Variants in MDGA2 observed in about 807,000 individuals in gnomAD.
MDGA2 encodes MAM domain-containing glycosylphosphatidylinositol anchor protein 2.
MDGA2 carries 40 observed loss-of-function variants against 117.8 expected under a neutral mutation model. That is an observed-to-expected ratio of 0.34 (90% CI 0.26 to 0.44). MDGA2 has a LOEUF of 0.44. MDGA2 is among the 20% of genes least tolerant of loss of function. MDGA2 has a pLI of 1.00. For synonymous variants in MDGA2, 452 were observed against 439.0 expected, an observed-to-expected ratio of 1.03 and a Z score of -0.37; for missense variants, 1,123 against 1,250.6, an observed-to-expected ratio of 0.90 and a Z score of 1.54.
chr14:46,926,625 C>T (rs1177049173), intron 9 of MDGA2, among the ~76,000 whole-genome samples: 3 of 151,942 alleles, frequency 2.0e-5, no homozygotes, highest in Non-Finnish European at 4.4e-5. Context: ...CAAAACAGAA[C>T]ATGCAATTAT....
chr14:47,336,375 G>A (rs1594803626), intron 1 of MDGA2, among the ~76,000 whole-genome samples: 2 of 151,842 alleles, frequency 1.3e-5, no homozygotes, highest in East Asian at 3.9e-4. Context: ...GAATTTAGCT[G>A]AGAAAGAAAG....
At chr14:47,006,986 C>T (rs1015449326) in intron 8 of MDGA2, among the ~76,000 whole-genome samples, 10 of 151,762 alleles carry the variant, frequency 6.6e-5, no homozygotes, top group African/African-American at 2.2e-4. Flanking sequence ...CTCATTGCAA[C>T]TCATTACCTC....
chr14:46,887,596 G>A (rs1165590195), intron 10 of MDGA2, among the ~76,000 whole-genome samples: 2 of 151,952 alleles, frequency 1.3e-5, no homozygotes, highest in East Asian at 1.9e-4. Flanking sequence ...TACAGTCACT[G>A]AATTTACATA....
At chr14:47,304,693 T>A (rs778453844) in intron 1 of MDGA2, among the ~76,000 whole-genome samples, 1 of 152,156 alleles carries the variant, frequency 6.6e-6, no homozygotes, top group Non-Finnish European at 1.5e-5. Flanking sequence ...AATATCTCCC[T>A]ATGACATTTC....
At chr14:47,540,431 A>C (rs2138753273) in intron 1 of MDGA2, among the ~76,000 whole-genome samples, 1 of 151,116 alleles carries the variant, frequency 6.6e-6, no homozygotes, top group Admixed American at 6.6e-5. Flanking sequence ...TTTTCTCTTA[A>C]GCATTTATCA....
rs55827732 is a variant in MDGA2 at position 47,155,888 on chromosome 14, C to CTTTTTTTTTTTTTTTTTT, written c.596-11632_596-11615dup. Among the ~76,000 whole-genome samples the CTTTTTTTTTTTTTTTTTT allele has an allele frequency of 8.7e-4, 35 of 40,168 alleles. 5 individuals are homozygous for CTTTTTTTTTTTTTTTTTT. The highest frequency in any genetic ancestry group is 1.2e-3 in the Non-Finnish European group (27 of 23,056). 26.4% of individuals were successfully genotyped at this position (40,168 alleles called of 152,430 possible). ...ATTCTTTTCTTTTCTTCTTCTTCTTCTTTTTTTTTTTTTTTTTTTTTTTTT... is the reference window on the plus strand; with the variant it reads ...ATTCTTTTCTTTTCTTCTTCTTCTTCTTTTTTTTTTTTTTTTTTTTTTTTTTTTTTTTTTTTTTTTTTT... On this transcript the variant is annotated intron_variant, in intron 3 of 16. Coordinates refer to ENST00000399232, the MANE Select transcript of MDGA2 (RefSeq NM_001113498.3).
chr14:47,088,263 T>TGAAA (rs2138931498), intron 6 of MDGA2, among the ~76,000 whole-genome samples: 1 of 132,018 alleles, frequency 7.6e-6, no homozygotes, highest in South Asian at 2.2e-4. Flanking sequence ...AAGATAATAA[T>TGAAA]GCATTTTTGA....
At chr14:47,091,803 C>A (rs1283064659) in intron 6 of MDGA2, among the ~76,000 whole-genome samples, 1 of 152,038 alleles carries the variant, frequency 6.6e-6, no homozygotes, top group Non-Finnish European at 1.5e-5. Context: ...ATTCAAGCTC[C>A]GTCCCATTTC....
intron 5 of MDGA2, among the ~76,000 whole-genome samples, chr14:47,104,877 T>A (rs1880558296): frequency 6.6e-6 from 1 of 151,914 alleles, no homozygotes; most frequent in Non-Finnish European, 1.5e-5. Flanking sequence ...TCACTATCCC[T>A]CAACCTCTTT....
intron 7 of MDGA2, among the ~76,000 whole-genome samples, chr14:47,057,118 A>C (rs1392349422): frequency 6.6e-6 from 1 of 152,080 alleles, no homozygotes; most frequent in Non-Finnish European, 1.5e-5. Context: ...AATAATTATC[A>C]CTTTAATATT....
chr14:47,434,679 T>C (rs999934330), intron 1 of MDGA2, among the ~76,000 whole-genome samples: 9 of 152,224 alleles, frequency 5.9e-5, no homozygotes, highest in Admixed American at 4.6e-4. Flanking sequence ...GTGGTAAATA[T>C]AGCTTGTGTT....
At chr14:47,418,701 A>G (rs747825463) in intron 1 of MDGA2, among the ~76,000 whole-genome samples, 4 of 152,168 alleles carry the variant, frequency 2.6e-5, no homozygotes, top group Admixed American at 6.6e-5. Flanking sequence ...AATGAGAATG[A>G]CATATTCAGA....
At chr14:47,037,624 C>T (rs560574479) in intron 7 of MDGA2, among the ~76,000 whole-genome samples, 79 of 152,120 alleles carry the variant, frequency 5.2e-4, no homozygotes, top group Admixed American at 1.2e-3. Context: ...CTTTTATCCT[C>T]TTATTGATTT....
At chr14:46,999,947 A>G (rs966942695) in intron 8 of MDGA2, among the ~76,000 whole-genome samples, 25 of 152,062 alleles carry the variant, frequency 1.6e-4, no homozygotes, top group African/African-American at 6.0e-4. Flanking sequence ...TGTAACACAT[A>G]GTATTTAATT....
chr14:47,088,151 TAA>T (rs988261263), intron 6 of MDGA2, among the ~76,000 whole-genome samples: 6 of 152,110 alleles, frequency 3.9e-5, no homozygotes, highest in East Asian at 1.9e-4. Context: ...TGAACAAGGA[TAA>T]GTTAGTTTTA....
intron 8 of MDGA2, among the ~76,000 whole-genome samples, chr14:46,998,700 T>G (rs1887391384): frequency 1.3e-5 from 2 of 152,126 alleles, no homozygotes; most frequent in Admixed American, 6.6e-5. Context: ...ATTTTAAAGT[T>G]TATGTTGCCA....
intron 2 of MDGA2, among the ~76,000 whole-genome samples, chr14:47,262,287 T>A (rs572184603): frequency 1.3e-5 from 2 of 152,290 alleles, no homozygotes; most frequent in Admixed American, 1.3e-4. Context: ...AATGGTGTAG[T>A]GGTTAAAAGC....
intron 8 of MDGA2, among the ~76,000 whole-genome samples, chr14:46,987,169 A>G (rs571740243): frequency 6.6e-6 from 1 of 152,208 alleles, no homozygotes; most frequent in Admixed American, 6.6e-5. Flanking sequence ...TTATTTTCAA[A>G]TGACAGTTCT....
chr14:47,068,459 T>C (rs982759256), intron 6 of MDGA2, among the ~76,000 whole-genome samples: 1 of 150,588 alleles, frequency 6.6e-6, no homozygotes, highest in African/African-American at 2.4e-5. Flanking sequence ...AAAATGTCTT[T>C]ATCGGTGTCA....
Sources: gnomAD v4.1 joint callset for allele counts (sites outside exome capture counted in the v4.1 genomes callset) on GRCh38, gnomAD v4.1.1 for gene constraint, MANE v1.5 for transcripts, NCBI Gene and HGNC (gene_info 2026-07-23, HGNC 2026-07-21) for gene names.